B3GALT1: variants seen among roughly 807,000 people sequenced by gnomAD.
The protein encoded by B3GALT1 is beta-1,3-galactosyltransferase 1.
Under a neutral mutation model 23.2 loss-of-function variants are expected in B3GALT1, and 10 were observed. That is an observed-to-expected ratio of 0.43 (90% CI 0.27 to 0.73). B3GALT1 has a LOEUF of 0.73. Among genes scored for constraint, B3GALT1 ranks in the 30% least tolerant of loss-of-function variants. The pLI, the probability that B3GALT1 is intolerant of heterozygous loss-of-function variation, is 0.21. For missense variants in B3GALT1, 299 were observed against 405.4 expected (o/e 0.74, Z 2.25); for synonymous variants, 156 against 141.5 (o/e 1.10, Z -0.73).
chr2:167,592,566 C>T (rs1351387020), intron 2 of B3GALT1, among the ~76,000 whole-genome samples: 1 of 152,204 alleles, frequency 6.6e-6, no homozygotes, highest in Non-Finnish European at 1.5e-5. Context: ...TCTTTCCATT[C>T]ACTGAATTCT....
chr2:167,813,391 A>AATAG (rs897772352), intron 3 of B3GALT1, among the ~76,000 whole-genome samples: 42 of 152,336 alleles, frequency 2.8e-4, no homozygotes, highest in African/African-American at 9.1e-4. Flanking sequence ...TAGCCGATAG[A>AATAG]ATAGATATAG....
chr2:167,837,197 T>C (rs1240060565), intron 4 of B3GALT1, among the ~76,000 whole-genome samples: 5 of 147,950 alleles, frequency 3.4e-5, no homozygotes, highest in South Asian at 2.1e-4. Flanking sequence ...TAAATGTAAA[T>C]AGACTAAATG....
chr2:167,790,504 C>T (rs1688418004), intron 3 of B3GALT1, among the ~76,000 whole-genome samples: 1 of 152,206 alleles, frequency 6.6e-6, no homozygotes, highest in East Asian at 1.9e-4. Flanking sequence ...CATCCCCATC[C>T]TACTCTCGAC....
intron 3 of B3GALT1, among the ~76,000 whole-genome samples, chr2:167,726,805 T>G (rs1687324026): frequency 6.6e-6 from 1 of 152,358 alleles, no homozygotes; most frequent in East Asian, 1.9e-4. Context: ...CAGAATAGAA[T>G]CTGAAATAAC....
At chr2:167,842,407 A>C (rs1013622923) in intron 4 of B3GALT1, among the ~76,000 whole-genome samples, 1 of 152,180 alleles carries the variant, frequency 6.6e-6, no homozygotes, top group Admixed American at 6.5e-5. Context: ...CAGTTTCTGT[A>C]GAATGTATAC....
chr2:167,526,787 T>G (rs1043349774), intron 2 of B3GALT1, among the ~76,000 whole-genome samples: 2 of 152,162 alleles, frequency 1.3e-5, no homozygotes, highest in Non-Finnish European at 1.5e-5. Context: ...TAATTGTAAA[T>G]TCAATTCATG....
chr2:167,329,642 C>G (rs1402025674), intron 1 of B3GALT1, among the ~76,000 whole-genome samples: 1 of 152,094 alleles, frequency 6.6e-6, no homozygotes, highest in African/African-American at 2.4e-5. Flanking sequence ...AATCTGGGCG[C>G]TGCAATTTTG....
chr2:167,763,991 C>G (rs1014355708), intron 3 of B3GALT1, among the ~76,000 whole-genome samples: 2 of 152,134 alleles, frequency 1.3e-5, no homozygotes, highest in African/African-American at 2.4e-5. Flanking sequence ...GAAATCACTC[C>G]ATGCTTAAAA....
rs556151531 is a variant in B3GALT1 at position 167,559,071 on chromosome 2, G to C, written c.-410+68794G>C. Among the ~76,000 whole-genome samples, 16 of 152,298 alleles carry C rather than the reference G, an allele frequency of 1.1e-4. No individual in the cohort carries two copies. The South Asian group carries it at 1.7e-3, about 16-fold the overall frequency. On this transcript the variant is annotated intron_variant, in intron 2 of 4. Transcript: ENST00000392690. Reference sequence around the variant, plus strand: ...TGGGAGGCACCCCCCAGCAGGGGCAGACTGACACCTCACACGGCCGGGTAC... The same window carrying C: ...TGGGAGGCACCCCCCAGCAGGGGCACACTGACACCTCACACGGCCGGGTAC...
At chr2:167,620,980 A>C (rs1042663848) in intron 2 of B3GALT1, among the ~76,000 whole-genome samples, 1 of 152,006 alleles carries the variant, frequency 6.6e-6, no homozygotes, top group African/African-American at 2.4e-5. Context: ...CATCAAGCTG[A>C]AGGATGCTTT....
chr2:167,628,134 CT>C lies in B3GALT1; in HGVS notation c.-409-18770del, dbSNP rs1685376470. Among the ~76,000 whole-genome samples, 3 of 151,712 alleles carry C rather than the reference CT, an allele frequency of 2.0e-5. No individual in the cohort carries two copies. In the South Asian group the frequency reaches 6.2e-4, roughly 32 times the overall value. On this transcript the variant is annotated intron_variant, in intron 2 of 4. Transcript: ENST00000392690. ...TTGTCATATATATGTTTTGCAAATACTTTTTCCCAGTCTGTGGCCTGTCTTT... is the reference window on the plus strand; with the variant it reads ...TTGTCATATATATGTTTTGCAAATACTTTTCCCAGTCTGTGGCCTGTCTTT...
At chr2:167,540,545 T>G (rs1683517949) in intron 2 of B3GALT1, among the ~76,000 whole-genome samples, 1 of 152,190 alleles carries the variant, frequency 6.6e-6, no homozygotes, top group African/African-American at 2.4e-5. Flanking sequence ...TGTACCATGC[T>G]TCTTCTTTCA....
chr2:167,780,838 A>T (rs1412569396), intron 3 of B3GALT1, among the ~76,000 whole-genome samples: 5 of 152,230 alleles, frequency 3.3e-5, no homozygotes, highest in Non-Finnish European at 5.9e-5. Flanking sequence ...CTCTATGGTC[A>T]TTGACAGAAT....
chr2:167,607,345 G>A (rs1320443929), intron 2 of B3GALT1, among the ~76,000 whole-genome samples: 1 of 152,084 alleles, frequency 6.6e-6, no homozygotes, highest in Non-Finnish European at 1.5e-5. Context: ...GTCTCTCCTG[G>A]GTCTTTTGTT....
chr2:167,463,276 G>A (rs180900004), intron 1 of B3GALT1, among the ~76,000 whole-genome samples: 78 of 152,100 alleles, frequency 5.1e-4, no homozygotes, highest in Non-Finnish European at 8.7e-4. Context: ...ATAATGCCTA[G>A]CAGTATCAGG....
intron 2 of B3GALT1, among the ~76,000 whole-genome samples, chr2:167,528,791 CT>C (rs1219407401): frequency 1.3e-5 from 2 of 152,056 alleles, no homozygotes; most frequent in African/African-American, 4.8e-5. Flanking sequence ...TGTTGTAATA[CT>C]TTTCATTTAT....
intron 3 of B3GALT1, chr2:167,715,053 T>A: frequency 6.2e-7 from 1 of 1,611,926 alleles, no homozygotes; most frequent in Non-Finnish European, 8.5e-7. Context: ...GATAACTGAA[T>A]AATAATGTGG....
At chr2:167,770,389 G>A (rs943571218) in intron 3 of B3GALT1, among the ~76,000 whole-genome samples, 1 of 152,150 alleles carries the variant, frequency 6.6e-6, no homozygotes, top group African/African-American at 2.4e-5. Flanking sequence ...AATGAAATTG[G>A]GCAGTCTTCC....
intron 3 of B3GALT1, among the ~76,000 whole-genome samples, chr2:167,669,336 A>G (rs1686278201): frequency 6.6e-6 from 1 of 152,250 alleles, no homozygotes; most frequent in African/African-American, 2.4e-5. Flanking sequence ...TTCAAAGTGC[A>G]AAATTCAAAT....
Sources: allele counts gnomAD v4.1 joint callset (sites outside exome capture counted in the v4.1 genomes callset), GRCh38; gene constraint gnomAD v4.1.1; transcripts MANE v1.5; gene names NCBI Gene and HGNC (gene_info 2026-07-23, HGNC 2026-07-21).